Variants in ZNF721 observed in about 807,000 individuals in gnomAD.
The protein encoded by ZNF721 is zinc finger protein 721.
Under a neutral mutation model 2.4 loss-of-function variants are expected in ZNF721, and 2 were observed. The ratio of observed to expected loss-of-function variants is 0.82; its 90% CI spans 0.34 to 2.58. The LOEUF (loss-of-function observed/expected upper bound fraction) is 2.58, where lower values mean the gene tolerates loss of function less well. Among genes scored for constraint, ZNF721 ranks in the 30% most tolerant of loss-of-function variants. ZNF721 has a pLI of 0.11. For missense variants in ZNF721, 1,187 were observed against 1,085.5 expected, an observed-to-expected ratio of 1.09 and a Z score of -1.31; for synonymous variants, 398 against 381.8, an observed-to-expected ratio of 1.04 and a Z score of -0.50.
At chr4:471,217 CATATCAT>C (rs1715422540) in intron 2 of ZNF721, among the ~76,000 whole-genome samples, 1 of 151,932 alleles carries the variant, frequency 6.6e-6, no homozygotes, top group Admixed American at 6.6e-5. Context: ...TAAAAATGGA[CATATCAT>C]ATAATCCAGC....
Position 468,050 on chromosome 4 carries a change from C to T in ZNF721, c.34+4525G>A, listed in dbSNP as rs191167668. Among the ~76,000 whole-genome samples, 17 of 152,240 alleles carry T rather than the reference C, an allele frequency of 1.1e-4. 1 individual carries two copies. The highest frequency in any genetic ancestry group is 4.1e-4 in the South Asian group (2 of 4,828). ...ATCCCAGCACTTTGGGAGGCCGAGG[C>T]GGGCGGATCACGAGGTCAGGAGATC... On this transcript the variant is annotated intron_variant, in intron 2 of 2. Coordinates refer to ENST00000511833, the MANE Select transcript of ZNF721 (RefSeq NM_133474.4).
chr4:457,916 G>GC (rs1178691715), intron 2 of ZNF721, among the ~76,000 whole-genome samples: 1 of 152,144 alleles, frequency 6.6e-6, no homozygotes, highest in African/African-American at 2.4e-5. Flanking sequence ...AAGAAGTCCT[G>GC]CCAACCCAGA....
intron 1 of ZNF721, among the ~76,000 whole-genome samples, chr4:480,603 G>GT (rs1715746803): frequency 6.6e-6 from 1 of 152,030 alleles, no homozygotes; most frequent in Non-Finnish European, 1.5e-5. Flanking sequence ...TCCTGTTTCT[G>GT]TAAGTTTGAC....
intron 1 of ZNF721, among the ~76,000 whole-genome samples, chr4:481,571 CTTTCT>C (rs1162767508): frequency 1.1e-3 from 148 of 140,270 alleles, no homozygotes; most frequent in Admixed American, 2.0e-3. Context: ...TTGTTCTTTT[CTTTCT>C]TTTTTTTTTT....
chr4:486,545 C>T (rs1289461415), intron 1 of ZNF721, among the ~76,000 whole-genome samples: 1 of 152,064 alleles, frequency 6.6e-6, no homozygotes, highest in Admixed American at 6.6e-5. Flanking sequence ...CTTGGCTCTT[C>T]AAAGCATACT....
intron 1 of ZNF721, among the ~76,000 whole-genome samples, chr4:492,180 C>A (rs797026317): frequency 6.7e-6 from 1 of 150,346 alleles, no homozygotes; most frequent in African/African-American, 2.5e-5. Flanking sequence ...AAAAAACAAA[C>A]AAACAAACAA....
Position 441,811 on chromosome 4 carries a change from T to C in ZNF721, c.2656A>G (p.Ile886Val). 2 of 1,614,014 alleles carry C rather than the reference T, an allele frequency of 1.2e-6. No individual in the cohort carries two copies. The highest frequency in any genetic ancestry group is 1.7e-6 in the Non-Finnish European group (2 of 1,179,970). ...GTGTAGGGTTTCTCTCCAGTATGAATTTTCTTATGCGCATAAAGATTTGCA... is the reference window on the plus strand; with the variant it reads ...GTGTAGGGTTTCTCTCCAGTATGAACTTTCTTATGCGCATAAAGATTTGCA... ...QSANLYAHKKIHTGEKPYTCG... is the reference protein window; with the variant it reads ...QSANLYAHKKVHTGEKPYTCG... Residue 886 changes from isoleucine to valine, a missense_variant, in exon 3 of 3, where the codon ATT becomes GTT. Physicochemically the swap from Ile to Val is conservative, Grantham distance 29. Coordinates refer to ENST00000511833, the MANE Select transcript of ZNF721 (RefSeq NM_133474.4).
At chr4:470,779 T>C (rs927388409) in intron 2 of ZNF721, among the ~76,000 whole-genome samples, 1 of 151,860 alleles carries the variant, frequency 6.6e-6, no homozygotes, top group Non-Finnish European at 1.5e-5. Context: ...TTCCAGCAAT[T>C]TGGGAGGCCA....
At chr4:453,875 C>T (rs1714752772) in intron 2 of ZNF721, 1 of 152,186 alleles carries the variant, frequency 6.6e-6, no homozygotes, top group Non-Finnish European at 1.5e-5. Flanking sequence ...CCACCTTCAC[C>T]ATGCATCAAA....
intron 2 of ZNF721, among the ~76,000 whole-genome samples, chr4:466,416 G>GTTTTTT: frequency 6.6e-6 from 1 of 152,126 alleles, no homozygotes; most frequent in South Asian, 2.1e-4. Context: ...GTTGTTATGT[G>GTTTTTT]CTTTGAACTC....
chr4:484,596 T>C (rs1553869952), intron 1 of ZNF721, among the ~76,000 whole-genome samples: 1 of 152,206 alleles, frequency 6.6e-6, no homozygotes, highest in African/African-American at 2.4e-5. Flanking sequence ...TGGCCATCTC[T>C]TATGGTCGAG....
In ZNF721 at chr4:442,559, A is replaced by C; in HGVS notation, c.1908T>G (p.Thr636=). ...CTTCACATTTGTAAGGTTTCTCCCC[A>C]GTGTAAATTTTCTTCTGTTGATTCA... The part of the protein sequence containing the change: ...TDLNQQKKIY[T]GEKPYKCEEC... Residue 636 remains threonine (T), a synonymous_variant, in exon 3 of 3, where the codon ACT becomes ACG. Coordinates refer to ENST00000511833, the MANE Select transcript of ZNF721 (RefSeq NM_133474.4). The C allele has an allele frequency of 6.2e-7, 1 of 1,613,884 alleles. No individual in the cohort carries two copies. Among genetic ancestry groups the C allele is most frequent in the Non-Finnish European group, 8.5e-7 (1 of 1,179,880 alleles).
intron 2 of ZNF721, among the ~76,000 whole-genome samples, chr4:463,411 T>C (rs1201078118): frequency 2.0e-5 from 3 of 152,194 alleles, no homozygotes; most frequent in African/African-American, 7.2e-5. Flanking sequence ...ACTGGATATA[T>C]ACCCAAAGGA....
In ZNF721 at chr4:442,504, C is replaced by T; in HGVS notation, c.1963G>A (p.Asp655Asn). ...AGAATTTTCGTGTGTTGATTCAGGT[C>T]TGTTGATGGGGCAAAGGCTTTGCCA... ...ECGKAFAPST[D>N]LNQHTKILTG... The change falls in exon 3 of 3, where the codon GAC becomes AAC. Residue 655 changes from aspartate (D) to asparagine (N), a missense_variant. Coordinates refer to ENST00000511833, the MANE Select transcript of ZNF721 (RefSeq NM_133474.4). The T allele has an allele frequency of 6.2e-7, 1 of 1,611,252 alleles. No homozygotes were observed. Among genetic ancestry groups the T allele is most frequent in the Non-Finnish European group, 8.5e-7 (1 of 1,178,676 alleles).
At chr4:471,281 T>A (rs1160895791) in intron 2 of ZNF721, among the ~76,000 whole-genome samples, 3 of 152,186 alleles carry the variant, frequency 2.0e-5, no homozygotes, top group African/African-American at 7.2e-5. Flanking sequence ...ATTAACACCT[T>A]GAAGAAATAT....
chr4:496,165 G>T (rs1560247979), intron 1 of ZNF721, among the ~76,000 whole-genome samples: 1 of 151,952 alleles, frequency 6.6e-6, no homozygotes, highest in Non-Finnish European at 1.5e-5. Context: ...GGGGGTAGAC[G>T]GTTGGGTATT....
chr4:484,825 T>A (rs1715853033), intron 1 of ZNF721, among the ~76,000 whole-genome samples: 1 of 152,238 alleles, frequency 6.6e-6, no homozygotes, highest in African/African-American at 2.4e-5. Context: ...CCACTTGCCT[T>A]GTGATATTCT....
rs782742309 is a variant in ZNF721 at position 443,826 on chromosome 4, A to G, written c.641T>C (p.Ile214Thr). Residue 214 changes from isoleucine to threonine, a missense_variant, in exon 3 of 3, where the codon ATT becomes ACT. Ile to Thr is a moderately conservative substitution (Grantham distance 89). Transcript: ENST00000511833. ...WSTNLNEYKK[I>T]HTGDKPYKCK... ...TTTGTAGGGTTTATCTCCAGTATGA[A>G]TTTTCTTATATTCATTCAGGTTTGT... The G allele has an allele frequency of 1.2e-5, 19 of 1,613,746 alleles. No homozygotes were observed. Among genetic ancestry groups the G allele is most frequent in the Non-Finnish European group, 1.6e-5 (19 of 1,179,878 alleles).
intron 2 of ZNF721, among the ~76,000 whole-genome samples, chr4:464,715 C>T (rs73219249): frequency 0.15 from 22,528 of 151,968 alleles, 2,308 homozygotes; most frequent in African/African-American, 0.29. Flanking sequence ...TAGCAGGACC[C>T]TGTCTCTAAA....
Sources: allele counts gnomAD v4.1 joint callset (sites outside exome capture counted in the v4.1 genomes callset), GRCh38; gene constraint gnomAD v4.1.1; transcripts MANE v1.5; gene names NCBI Gene and HGNC (gene_info 2026-07-23, HGNC 2026-07-21).